Variants in GPC3 observed in about 807,000 individuals in gnomAD.
The protein encoded by GPC3 is glypican 3.
Under a neutral mutation model 34.4 loss-of-function variants are expected in GPC3, and 3 were observed. That is an observed-to-expected ratio of 0.09 (90% CI 0.04 to 0.23). The LOEUF (loss-of-function observed/expected upper bound fraction) is 0.23. Among genes scored for constraint, GPC3 ranks in the 10% least tolerant of loss-of-function variants. The pLI is 1.00. For synonymous variants in GPC3, 177 were observed against 174.0 expected, an observed-to-expected ratio of 1.02 and a Z score of -0.13; for missense variants, 351 against 445.6, an observed-to-expected ratio of 0.79 and a Z score of 1.91.
At chrX:133,736,756 T>C (rs1052513931) in intron 3 of GPC3, among the ~76,000 whole-genome samples, 2 of 111,998 alleles carry the variant, frequency 1.8e-5, no homozygotes, top group Admixed American at 1.9e-4. Flanking sequence ...AATAGCTAAC[T>C]GGTACTAAGT....
chrX:133,869,934 G>A (rs893864498), intron 2 of GPC3, among the ~76,000 whole-genome samples: 6 of 112,198 alleles, frequency 5.3e-5, no homozygotes, highest in African/African-American at 1.6e-4. Context: ...CAGCCTAGGC[G>A]ATAGAGCGAG....
chrX:133,780,079 C>T (rs1003448066), intron 2 of GPC3, among the ~76,000 whole-genome samples: 6 of 111,529 alleles, frequency 5.4e-5, no homozygotes, highest in Admixed American at 9.5e-5. Context: ...TAGGCTGGGG[C>T]GAGGCTGGGA....
At chrX:133,655,267 G>A (rs1381772899) in intron 6 of GPC3, among the ~76,000 whole-genome samples, 1 of 111,176 alleles carries the variant, frequency 9.0e-6, no homozygotes, top group Non-Finnish European at 1.9e-5. Context: ...TATTTTTCAG[G>A]CTATTAGGCA....
chrX:133,595,529 T>C (rs868425173), intron 7 of GPC3, among the ~76,000 whole-genome samples: 3 of 111,201 alleles, frequency 2.7e-5, no homozygotes, highest in Middle Eastern at 4.7e-3. Flanking sequence ...TGTTGTTTAG[T>C]TATTATTATT....
intron 2 of GPC3, among the ~76,000 whole-genome samples, chrX:133,935,048 C>T (rs758478583): frequency 9.0e-6 from 1 of 111,648 alleles, no homozygotes; most frequent in Admixed American, 9.5e-5. Context: ...GTTAATTAGC[C>T]ATGACTCAAC....
intron 6 of GPC3, among the ~76,000 whole-genome samples, chrX:133,649,254 G>A: frequency 9.8e-6 from 1 of 102,362 alleles, no homozygotes; most frequent in Non-Finnish European, 2.0e-5. Context: ...AATAAATGAC[G>A]AGGATATATA....
At chrX:133,775,226 GT>G (rs769430426) in intron 2 of GPC3, among the ~76,000 whole-genome samples, 112 of 100,184 alleles carry the variant, frequency 1.1e-3, no homozygotes, top group South Asian at 1.8e-3. Flanking sequence ...CTGCCAGCGT[GT>G]TTTTTTTTTT....
chrX:133,755,934 A>G (rs2071722855), intron 2 of GPC3, among the ~76,000 whole-genome samples: 1 of 112,225 alleles, frequency 8.9e-6, no homozygotes, highest in Non-Finnish European at 1.9e-5. Flanking sequence ...GAAACTATTC[A>G]TTCATTTTAA....
intron 2 of GPC3, among the ~76,000 whole-genome samples, chrX:133,866,889 A>T (rs1395727759): frequency 7.2e-5 from 8 of 110,859 alleles, no homozygotes; most frequent in African/African-American, 2.6e-4. Context: ...CTAGCCCACC[A>T]TTTAGCACCT....
chrX:133,639,459 A>G (rs1233849683), intron 6 of GPC3, among the ~76,000 whole-genome samples: 1 of 111,973 alleles, frequency 8.9e-6, no homozygotes, highest in Non-Finnish European at 1.9e-5. Flanking sequence ...GACTGAATAA[A>G]CAATAAACAT....
chrX:133,746,449 A>G (rs1304548478), intron 3 of GPC3, among the ~76,000 whole-genome samples: 1 of 112,545 alleles, frequency 8.9e-6, no homozygotes, highest in African/African-American at 3.2e-5. Context: ...CATTTTTAAA[A>G]AGCTCCCCTT....
At chrX:133,948,440 C>G (rs192950927) in intron 2 of GPC3, among the ~76,000 whole-genome samples, 5 of 110,599 alleles carry the variant, frequency 4.5e-5, no homozygotes, top group Non-Finnish European at 9.5e-5. Context: ...GCCCTCCCCC[C>G]CATTCAGAGA....
chrX:133,578,387 C>T (rs1048280543), intron 7 of GPC3, among the ~76,000 whole-genome samples: 38 of 112,446 alleles, frequency 3.4e-4, no homozygotes, highest in African/African-American at 1.2e-3. Context: ...AAACTCCCAA[C>T]ATGCTTACAA....
At chrX:133,845,718 A>G (rs1284361676) in intron 2 of GPC3, among the ~76,000 whole-genome samples, 4 of 112,465 alleles carry the variant, frequency 3.6e-5, no homozygotes, top group African/African-American at 1.3e-4. Flanking sequence ...GTAAATGAGC[A>G]CTAAAGGATG....
intron 2 of GPC3, among the ~76,000 whole-genome samples, chrX:133,764,574 T>A (rs2071829026): frequency 8.9e-6 from 1 of 112,080 alleles, no homozygotes. Flanking sequence ...AGAATGTGTC[T>A]GGTTTCACAC....
intron 2 of GPC3, among the ~76,000 whole-genome samples, chrX:133,804,652 C>G (rs1042812462): frequency 1.8e-5 from 2 of 111,185 alleles, no homozygotes; most frequent in African/African-American, 6.5e-5. Context: ...CGTCAAGATC[C>G]CTTGCATTTC....
Position 133,548,533 on chromosome X carries a change from C to T in GPC3, c.1574-12240G>A, listed in dbSNP as rs776233112. Among the ~76,000 whole-genome samples the T allele has an allele frequency of 5.4e-5, 6 of 112,078 alleles. No homozygotes were observed. The East Asian group carries it at 1.1e-3, about 21-fold the overall frequency. ...GCCAAGGGGTCAAAATGGCTCAAGGCCCTGAAAACACCCTATCCAGTAATC... is the reference window on the plus strand; with the variant it reads ...GCCAAGGGGTCAAAATGGCTCAAGGTCCTGAAAACACCCTATCCAGTAATC... On this transcript the variant is annotated intron_variant, in intron 7 of 7. Coordinates refer to ENST00000370818, the MANE Select transcript of GPC3 (RefSeq NM_004484.4).
chrX:133,906,912 C>T (rs1292822002), intron 2 of GPC3, among the ~76,000 whole-genome samples: 1 of 111,175 alleles, frequency 9.0e-6, no homozygotes, highest in Non-Finnish European at 1.9e-5. Context: ...TCCTGGCTAA[C>T]AAACGGTGAA....
At chrX:133,630,795 C>T (rs1314768551) in intron 6 of GPC3, among the ~76,000 whole-genome samples, 2 of 111,863 alleles carry the variant, frequency 1.8e-5, no homozygotes. Flanking sequence ...CATTAATCAC[C>T]CCAGGTGTCT....
Sources: allele counts gnomAD v4.1 joint callset (sites outside exome capture counted in the v4.1 genomes callset), GRCh38; gene constraint gnomAD v4.1.1; transcripts MANE v1.5; gene names NCBI Gene and HGNC (gene_info 2026-07-23, HGNC 2026-07-21).